The following CDK7 variants were observed in gnomAD, a reference collection of about 807,000 sequenced individuals.
CDK7 encodes the protein cyclin-dependent kinase 7.
CDK7 carries 25 observed loss-of-function variants against 49.1 expected under a neutral mutation model. The observed-to-expected ratio is 0.51, with a 90% CI of 0.37 to 0.71. The LOEUF (loss-of-function observed/expected upper bound fraction) is 0.71, where lower values mean the gene tolerates loss of function less well. Among genes scored for constraint, CDK7 ranks in the 30% least tolerant of loss-of-function variants. The pLI is 0.00. For missense variants in CDK7, 316 were observed against 411.7 expected (o/e 0.77, Z 2.01); for synonymous variants, 107 against 140.0 (o/e 0.76, Z 1.67).
At chr5:69,235,277 C>T in intron 1 of CDK7, 117 bp from the exon 2 acceptor site, 1 of 860,432 alleles carries the variant, frequency 1.2e-6, no homozygotes, top group South Asian at 1.5e-5. Context: ...GCCACGTTTC[C>T]AGCCGCCGCG....
At chr5:69,276,114 C>G (rs770940499) in intron 10 of CDK7, among the ~76,000 whole-genome samples, 1 of 152,174 alleles carries the variant, frequency 6.6e-6, no homozygotes, top group Non-Finnish European at 1.5e-5. Context: ...ACTGCAACCT[C>G]TGCCTCTGGG....
chr5:69,274,366 G>A (rs1041969717), intron 10 of CDK7, among the ~76,000 whole-genome samples: 1 of 152,124 alleles, frequency 6.6e-6, no homozygotes, highest in Non-Finnish European at 1.5e-5. Context: ...CCGGTGCATC[G>A]GCTCACACCT....
intron 2 of CDK7, among the ~76,000 whole-genome samples, chr5:69,245,389 T>C (rs1222102338): frequency 6.7e-6 from 1 of 148,154 alleles, no homozygotes; most frequent in Non-Finnish European, 1.5e-5. Flanking sequence ...ACCCAGGCCC[T>C]GGAGTGCAGT....
At chr5:69,262,354 G>A in intron 8 of CDK7, 50 bp downstream of exon 8, 1 of 1,612,224 alleles carries the variant, frequency 6.2e-7, no homozygotes, top group South Asian at 1.1e-5. Context: ...GCAGTTATTT[G>A]TTCTGACAGT....
At chr5:69,259,241 A>T (rs555009887) in intron 6 of CDK7, among the ~76,000 whole-genome samples, 1 of 152,304 alleles carries the variant, frequency 6.6e-6, no homozygotes, top group Non-Finnish European at 1.5e-5. Flanking sequence ...CAAGGTACAA[A>T]ATACAGTTTA....
At chr5:69,272,292 T>C (rs1026564073) in intron 9 of CDK7, among the ~76,000 whole-genome samples, 1 of 152,240 alleles carries the variant, frequency 6.6e-6, no homozygotes, top group African/African-American at 2.4e-5. Flanking sequence ...AAAGTAGCTA[T>C]ATGTTAAATC....
intron 7 of CDK7, among the ~76,000 whole-genome samples, 186 bp downstream of exon 7, chr5:69,260,122 G>GTGGAT (rs1750723421): frequency 6.6e-6 from 1 of 152,214 alleles, no homozygotes; most frequent in Non-Finnish European, 1.5e-5. Flanking sequence ...GCCAAGGCAG[G>GTGGAT]CAGACCCACG....
At chr5:69,261,498 G>A (rs1750813093) in intron 7 of CDK7, among the ~76,000 whole-genome samples, 1 of 131,548 alleles carries the variant, frequency 7.6e-6, no homozygotes, top group Admixed American at 7.8e-5. Context: ...CTCTGTGTGT[G>A]TGTGTGTGTG....
chr5:69,268,648 C>A (rs1042703532), intron 8 of CDK7, among the ~76,000 whole-genome samples: 3 of 145,112 alleles, frequency 2.1e-5, no homozygotes, highest in Non-Finnish European at 4.5e-5. Context: ...GTCAGGAGAT[C>A]GAGACCATTC....
intron 2 of CDK7, among the ~76,000 whole-genome samples, chr5:69,237,301 A>C (rs759857602): frequency 2.0e-5 from 3 of 152,046 alleles, no homozygotes; most frequent in Non-Finnish European, 4.4e-5. Flanking sequence ...GGTTCACTAT[A>C]TCATAGCCAC....
intron 2 of CDK7, among the ~76,000 whole-genome samples, chr5:69,247,893 C>T (rs542450857): frequency 3.9e-5 from 6 of 152,254 alleles, no homozygotes; most frequent in Admixed American, 2.6e-4. Flanking sequence ...TGTCTCCCCA[C>T]TTTGTTGTAC....
At chr5:69,273,378 C>T (rs1178047417) in intron 10 of CDK7, among the ~76,000 whole-genome samples, 1 of 152,108 alleles carries the variant, frequency 6.6e-6, no homozygotes, top group African/African-American at 2.4e-5. Flanking sequence ...TGGTATATTT[C>T]AGTTGAGCTC....
intron 10 of CDK7, among the ~76,000 whole-genome samples, chr5:69,275,479 A>G (rs1158109595): frequency 2.0e-5 from 3 of 152,192 alleles, no homozygotes; most frequent in Non-Finnish European, 4.4e-5. Flanking sequence ...GAAATGTACA[A>G]TATTTCACTA....
intron 6 of CDK7, among the ~76,000 whole-genome samples, chr5:69,258,651 GGATTACAGGCGT>G (rs1224627971): frequency 1.3e-5 from 2 of 152,060 alleles, no homozygotes; most frequent in African/African-American, 2.4e-5. Context: ...CAAAGTGCTG[GGATTACAGGCGT>G]GAGCCATTGC....
chr5:69,260,567 C>A (rs1044391387), intron 7 of CDK7, among the ~76,000 whole-genome samples: 4 of 152,004 alleles, frequency 2.6e-5, no homozygotes, highest in Non-Finnish European at 5.9e-5. Context: ...ATTTATTGGA[C>A]CCATTTTTAT....
At chr5:69,246,950 G>A (rs2327639) in intron 2 of CDK7, among the ~76,000 whole-genome samples, 42,535 of 151,988 alleles carry the variant, frequency 0.28, 6,536 homozygotes, top group East Asian at 0.4. Flanking sequence ...TCCCATTGTG[G>A]TCAGAAAAGA....
intron 7 of CDK7, among the ~76,000 whole-genome samples, chr5:69,261,445 G>A (rs1361841280): frequency 1.3e-5 from 2 of 151,192 alleles, no homozygotes; most frequent in African/African-American, 4.9e-5. Flanking sequence ...GATAAGAGCA[G>A]TTTTGATGGA....
At position 69,277,413 on chromosome 5, in the gene CDK7, G is replaced by A. The variant is rs1356523533; in HGVS notation, c.*278G>A. The A allele has an allele frequency of 3.4e-6, 1 of 293,432 alleles. No homozygotes were observed. Among genetic ancestry groups the A allele is most frequent in the Non-Finnish European group, 6.3e-6 (1 of 158,322 alleles). The allele number at this position is 293,432 out of a possible 1,614,324, so 18.2% of individuals were successfully genotyped here. On this transcript the variant is annotated 3_prime_UTR_variant, in exon 12 of 12. Transcript: ENST00000256443. Reference sequence around the variant, plus strand: ...GAAAACTTAATAAAAATTATTACCAGTTATTTGGAAGATCTGACCCATATA... The same window carrying A: ...GAAAACTTAATAAAAATTATTACCAATTATTTGGAAGATCTGACCCATATA...
chr5:69,248,805 T>TTC (rs1554063459), intron 2 of CDK7, among the ~76,000 whole-genome samples: 4 of 144,076 alleles, frequency 2.8e-5, no homozygotes, highest in Admixed American at 6.9e-5. Context: ...TTTTTTTCTT[T>TTC]TTTTTTTTTT....
Sources: allele counts gnomAD v4.1 joint callset (sites outside exome capture counted in the v4.1 genomes callset), GRCh38; gene constraint gnomAD v4.1.1; transcripts MANE v1.5; gene names NCBI Gene and HGNC (gene_info 2026-07-23, HGNC 2026-07-21).